Variants in NOP9 observed in about 807,000 individuals in gnomAD.
NOP9 encodes the protein NOP9 nucleolar protein, also known as nucleolar protein 9.
Under a neutral mutation model 63.0 loss-of-function variants are expected in NOP9, and 50 were observed. The observed-to-expected ratio is 0.79, with a 90% CI of 0.63 to 1.00. The LOEUF (loss-of-function observed/expected upper bound fraction) is 1.00. NOP9 is among the 50% of genes least tolerant of loss of function. The pLI is 0.00. For missense variants in NOP9, 758 were observed against 803.0 expected (o/e 0.94, Z 0.68); for synonymous variants, 343 against 332.8 (o/e 1.03, Z -0.33).
At chr14:24,279,184 G>C in the NOP9 span, among the ~76,000 whole-genome samples, 1 of 152,204 alleles carries the variant, frequency 6.6e-6, no homozygotes, top group Non-Finnish European at 1.5e-5. Flanking sequence ...AGAGACCAGA[G>C]TCTCTCCACT....
chr14:24,302,020 A>T lies in NOP9; in HGVS notation c.864A>T (p.Leu288Phe), dbSNP rs199896783. The T allele has an allele frequency of 3.2e-5, 51 of 1,614,004 alleles. 1 individual carries two copies. The East Asian group carries it at 1.1e-3, about 36-fold the overall frequency. Residue 288 changes from leucine to phenylalanine, a missense_variant, in exon 4 of 10, where the codon TTA becomes TTT. Transcript: ENST00000267425. ...GTCTTCAAGTGGCTTTACAGGTTTT[A>T]CACCGCAAACTTCCCCAGTTTTGCG... ...SFCLQVALQV[L>F]HRKLPQFCAH...
At chr14:24,287,790 G>A in the NOP9 span, among the ~76,000 whole-genome samples, 2 of 152,090 alleles carry the variant, frequency 1.3e-5, no homozygotes, top group South Asian at 2.1e-4. Context: ...CTTTCCTCCT[G>A]TGTCCTCAGG....
chr14:24,272,032 G>A, the NOP9 span, among the ~76,000 whole-genome samples: 1 of 152,044 alleles, frequency 6.6e-6, no homozygotes, highest in Non-Finnish European at 1.5e-5. Flanking sequence ...CTAAATGTTG[G>A]TGATCTCCAG....
Position 24,304,972 on chromosome 14 carries a change from C to T in NOP9, c.1788C>T (p.Phe596=), listed in dbSNP as rs138357845. The change falls in exon 10 of 10, where the codon TTC becomes TTT. Residue 596 remains phenylalanine, a synonymous_variant. Transcript: ENST00000267425. The part of the protein sequence containing the change: ...EQNQELIRDP[F]GHHVARNVAL... ...ACCAGGAGCTGATAAGAGACCCTTT[C>T]GGCCACCATGTGGCTCGAAATGTGG... 2.0e-4 allele frequency: 324 copies of T among 1,580,828 alleles called. No homozygotes were observed. Among genetic ancestry groups the T allele is most frequent in the Non-Finnish European group, 2.5e-4 (292 of 1,165,268 alleles).
rs150899829 is a variant in NOP9, at chr14:24,307,484, G to A, written c.*2389G>A. On this transcript the variant is annotated 3_prime_UTR_variant, in exon 10 of 10. Transcript: ENST00000267425. ...GGTGGAGCTGAGGTCCAGACCCTCC[G>A]TCCAAACTCCGAGCTTATATTAGAT... The A allele has an allele frequency of 6.4e-5, 104 of 1,614,030 alleles. No homozygotes were observed. The African/African-American group carries it at 1.0e-3, about 16-fold the overall frequency.
At chr14:24,281,658 G>T in the NOP9 span, among the ~76,000 whole-genome samples, 3 of 152,198 alleles carry the variant, frequency 2.0e-5, no homozygotes, top group African/African-American at 7.2e-5. Context: ...ACTTCTAGGA[G>T]GTTGAGATGG....
the NOP9 span, among the ~76,000 whole-genome samples, chr14:24,272,624 T>C: frequency 2.0e-5 from 3 of 152,260 alleles, no homozygotes; most frequent in African/African-American, 7.2e-5. Flanking sequence ...ACGTCATATC[T>C]GTGCCTAAAA....
the NOP9 span, among the ~76,000 whole-genome samples, chr14:24,285,634 G>A: frequency 3.9e-5 from 6 of 152,194 alleles, no homozygotes; most frequent in Non-Finnish European, 8.8e-5. Flanking sequence ...TTTTCACTGT[G>A]CATCCTTCAA....
At chr14:24,296,209 G>A (rs959397471), upstream of NOP9, among the ~76,000 whole-genome samples, 8 of 152,214 alleles carry the variant, frequency 5.3e-5, no homozygotes, top group Admixed American at 2.6e-4. Flanking sequence ...CAGGCTGTGC[G>A]CATTACTGAG....
the NOP9 span, among the ~76,000 whole-genome samples, chr14:24,279,592 T>C: frequency 6.6e-6 from 1 of 151,558 alleles, no homozygotes; most frequent in Non-Finnish European, 1.5e-5. Flanking sequence ...TGGGGAAGAG[T>C]TGAGGGAAAA....
intron 2 of NOP9, 159 bp from the exon 3 acceptor site, chr14:24,301,453 C>G: frequency 2.4e-6 from 1 of 424,976 alleles, no homozygotes; most frequent in Non-Finnish European, 3.1e-6. Flanking sequence ...AAAATTAAGA[C>G]AGAAATGTAG....
rs2144492 is a variant in NOP9, at chr14:24,308,205, A to C, written c.*3110A>C. 294,740 of 311,668 alleles carry C rather than the reference A, an allele frequency of 0.95. 139,598 individuals carry two copies. Among genetic ancestry groups the C allele is most frequent in the Middle Eastern group, 0.97 (898 of 928 alleles). 19.3% of individuals were successfully genotyped at this position (311,668 alleles called of 1,614,324 possible). On this transcript the variant is annotated 3_prime_UTR_variant, in exon 10 of 10. Transcript: ENST00000267425. Reference sequence around the variant, plus strand: ...GTGTTTTTTTATTTCTATGGAGGGAATTTCTGGGGACGGTTTCTGGCTCTC... The same window carrying C: ...GTGTTTTTTTATTTCTATGGAGGGACTTTCTGGGGACGGTTTCTGGCTCTC...
At chr14:24,298,844 A>G, upstream of NOP9, 3 of 1,189,040 alleles carry the variant, frequency 2.5e-6, no homozygotes, top group South Asian at 4.2e-5. Context: ...ATAAATATTC[A>G]CATCTTGTTG....
At chr14:24,291,603 G>A in the NOP9 span, 38 of 1,614,060 alleles carry the variant, frequency 2.4e-5, no homozygotes, top group Non-Finnish European at 2.9e-5. Context: ...TGTGGTTTCC[G>A]CAGATGAGAA....
Position 24,308,160 on chromosome 14 carries a change from A to G in NOP9, c.*3065A>G. The G allele has an allele frequency of 2.3e-6, 1 of 444,280 alleles. No individual in the cohort carries two copies. Among genetic ancestry groups the G allele is most frequent in the Non-Finnish European group, 4.1e-6 (1 of 243,214 alleles). 27.5% of individuals were successfully genotyped at this position (444,280 alleles called of 1,614,324 possible). A position where few individuals can be genotyped will look rare whatever the true frequency, so the allele number is the denominator to read the frequency against. On this transcript the variant is annotated 3_prime_UTR_variant, in exon 10 of 10. Transcript: ENST00000267425. ...TGAGGGTAGATGGGAACCATGTAAA[A>G]GGATGAAATGTGACTTCTGGTGTTT...
the NOP9 span, chr14:24,292,914 G>A: frequency 9.9e-6 from 12 of 1,211,254 alleles, no homozygotes; most frequent in Non-Finnish European, 1.3e-5. Context: ...GTGGGTTAGC[G>A]ACCTGAGGAA....
At chr14:24,280,593 A>G in the NOP9 span, among the ~76,000 whole-genome samples, 4 of 152,268 alleles carry the variant, frequency 2.6e-5, no homozygotes, top group African/African-American at 9.6e-5. Flanking sequence ...CCAGTCAATT[A>G]TCAACCAACA....
chr14:24,293,900 C>T, the NOP9 span: 1 of 152,096 alleles, frequency 6.6e-6, no homozygotes, highest in South Asian at 2.1e-4. Flanking sequence ...TAACAGTAGA[C>T]TGATAAGTCA....
At chr14:24,303,994 C>T (rs1248735347) in intron 7 of NOP9, 47 bp from the exon 8 acceptor site, 4 of 1,588,668 alleles carry the variant, frequency 2.5e-6, no homozygotes, top group Non-Finnish European at 3.5e-6. Flanking sequence ...TGGGCTCATC[C>T]ACCTGGCTTG....
Sources: gnomAD v4.1 joint callset for allele counts (sites outside exome capture counted in the v4.1 genomes callset) on GRCh38, gnomAD v4.1.1 for gene constraint, MANE v1.5 for transcripts, NCBI Gene and HGNC (gene_info 2026-07-23, HGNC 2026-07-21) for gene names.